SYTL2: variants seen among roughly 807,000 people sequenced by gnomAD.
SYTL2 encodes the protein synaptotagmin-like protein 2.
In SYTL2, 165 loss-of-function variants were observed where a neutral mutation model predicts 198.7. The ratio of observed to expected loss-of-function variants is 0.83; its 90% CI spans 0.73 to 0.94. The LOEUF is 0.94. SYTL2 is among the 40% of genes least tolerant of loss of function. SYTL2 has a pLI of 0.00. For synonymous variants in SYTL2, 966 were observed against 917.7 expected (o/e 1.05, Z -0.95); for missense variants, 2,835 against 2,582.8 (o/e 1.10, Z -2.12).
At chr11:85,833,566 T>C in the SYTL2 span, among the ~76,000 whole-genome samples, 6 of 151,668 alleles carry the variant, frequency 4.0e-5, no homozygotes, top group African/African-American at 1.4e-4. Context: ...TAACTACAAG[T>C]TCAGCCCTCA....
chr11:85,706,639 G>A lies in SYTL2; in HGVS notation c.6018+790C>T, dbSNP rs577558782. 7.2e-5 allele frequency among the ~76,000 whole-genome samples: 11 copies of A among 152,312 alleles called. No homozygotes were observed. In the South Asian group the frequency reaches 1.7e-3, roughly 23 times the overall value. ...ATAATGAAAAGAATTCAGGGTGACT[G>A]GAACAAAGACTATGAGAGAGGAAAG... On this transcript the variant is annotated intron_variant, in intron 15 of 19. Coordinates refer to ENST00000359152, the MANE Select transcript of SYTL2 (RefSeq NM_206927.4).
rs1290376080 is a variant in SYTL2 at position 85,724,908 on chromosome 11, T to A, written c.4450A>T (p.Arg1484Trp). ...GATTTGGGTTGAACAATTGTTTCCC[T>A]CACAATTTCTTCCACTTCCTGAGGG... Reference protein sequence around the residue: ...GLPQEVEEIVRETIVQPKSEF... With the variant: ...GLPQEVEEIVWETIVQPKSEF... The change falls in exon 8 of 20, where the codon AGG (arginine) becomes TGG (tryptophan). Residue 1484 changes from arginine to tryptophan, a missense_variant. Arg to Trp is a moderately radical substitution (Grantham distance 101). This residue lies in a region of SYTL2 where 2,645 missense variants were observed against 2,381.7 expected (regional missense o/e 1.11). Transcript: ENST00000359152. 1 of 1,614,172 alleles carries A rather than the reference T, an allele frequency of 6.2e-7. No individual in the cohort carries two copies. The highest frequency in any genetic ancestry group is 1.7e-5 in the Admixed American group (1 of 60,016).
At chr11:85,744,249 T>A (rs1369607866) in intron 4 of SYTL2, among the ~76,000 whole-genome samples, 1 of 152,214 alleles carries the variant, frequency 6.6e-6, no homozygotes, top group Non-Finnish European at 1.5e-5. Context: ...CTATATTCAC[T>A]GGCTAATTAA....
chr11:85,842,832 T>C, the SYTL2 span, among the ~76,000 whole-genome samples: 1 of 152,164 alleles, frequency 6.6e-6, no homozygotes, highest in Non-Finnish European at 1.5e-5. Flanking sequence ...TAGGAAGCCA[T>C]CTCATCAGTC....
chr11:85,724,144 T>TAG lies in SYTL2; in HGVS notation c.5212_5213dup (p.Ala1739Ter), dbSNP rs1247598366. 6.2e-7 allele frequency: 1 copy of TAG among 1,601,972 alleles called. No individual in the cohort carries two copies. Among genetic ancestry groups the TAG allele is most frequent in the East Asian group, 2.2e-5 (1 of 44,638 alleles). On this transcript the variant is annotated frameshift_variant, in exon 8 of 20. Transcript: ENST00000359152. LOFTEE classifies it high-confidence loss of function. Reference sequence around the variant, plus strand: ...TCTCTTGTTTCATATATGGCGATGCTAGAGTCAATTCAACTTTACTTGTTT... The same window carrying TAG: ...TCTCTTGTTTCATATATGGCGATGCTAGAGAGTCAATTCAACTTTACTTGTTT...
At chr11:85,816,915 C>CAAAAAAA in the SYTL2 span, among the ~76,000 whole-genome samples, 2 of 80,918 alleles carry the variant, frequency 2.5e-5, no homozygotes, top group Non-Finnish European at 4.6e-5. Flanking sequence ...AACCCTGTCT[C>CAAAAAAA]AAAAAAAAAA....
At position 85,726,801 on chromosome 11, in the gene SYTL2, T is replaced by A. The variant is rs1467951195; in HGVS notation, c.2557A>T (p.Ile853Phe). The A allele has an allele frequency of 1.3e-5, 20 of 1,536,292 alleles. No homozygotes were observed. The highest frequency in any genetic ancestry group is 1.7e-5 in the Non-Finnish European group (20 of 1,146,912). Residue 853 changes from isoleucine (I) to phenylalanine (F), a missense_variant, in exon 8 of 20, where the codon ATT (isoleucine) becomes TTT (phenylalanine). By Grantham distance (21) the Ile-to-Phe change is conservative. This residue lies in a region of SYTL2 where 2,645 missense variants were observed against 2,381.7 expected (regional missense o/e 1.11). Coordinates refer to ENST00000359152, the MANE Select transcript of SYTL2 (RefSeq NM_206927.4). ...TCATCTAAGACCACTCGTTTGGGAA[T>A]GGCCTGATTATATTCACTCTGGTCT... ...STDQSEYNQAIPKRVVLDEDD... is the reference protein window; with the variant it reads ...STDQSEYNQAFPKRVVLDEDD...
Position 85,727,959 on chromosome 11 carries a change from A to G in SYTL2, c.1399T>C (p.Ser467Pro), listed in dbSNP as rs573385315. 2.8e-5 allele frequency: 45 copies of G among 1,588,814 alleles called. No homozygotes were observed. The South Asian group carries it at 5.0e-4, about 18-fold the overall frequency. ...GATGGCTCAGGCTCAACACAATGAG[A>G]CAGTTCATCTGCAACATAGAAATAC... is the stretch of plus-strand genomic sequence containing the variant. ...VLPRSPADEL[S>P]HCVEPEPSQV... The change falls in exon 8 of 20, where the codon TCT (serine) becomes CCT (proline). Residue 467 changes from serine (S) to proline (P), a missense_variant. By Grantham distance (74) the Ser-to-Pro change is moderately conservative (BLOSUM62 -1). Transcript: ENST00000359152.
At position 85,724,559 on chromosome 11, in the gene SYTL2, TCTGA is replaced by T. The variant is rs751207745; in HGVS notation, c.4795_4798del (p.Glu1600ArgfsTer21). On this transcript the variant is annotated frameshift_variant, in exon 8 of 20. Coordinates refer to ENST00000359152, the MANE Select transcript of SYTL2 (RefSeq NM_206927.4). LOFTEE classifies it high-confidence loss of function. The stretch of plus-strand genomic sequence containing the variant: ...CACTGTCCCCAAGAACCTGGTCTGC[TCTGA>T]CTGTGAGGACTCCTTCTCGTGAGTT... 15 of 1,613,966 alleles carry T rather than the reference TCTGA, an allele frequency of 9.3e-6. No individual in the cohort carries two copies. The highest frequency in any genetic ancestry group is 2.7e-5 in the African/African-American group (2 of 75,046).
the SYTL2 span, among the ~76,000 whole-genome samples, chr11:85,826,277 T>G: frequency 6.6e-6 from 1 of 152,136 alleles, no homozygotes; most frequent in African/African-American, 2.4e-5. Context: ...CTGGAAGACA[T>G]CTAGTGGCTG....
intron 1 of SYTL2, among the ~76,000 whole-genome samples, chr11:85,768,871 G>C (rs1184949903): frequency 6.6e-6 from 1 of 152,148 alleles, no homozygotes; most frequent in Non-Finnish European, 1.5e-5. Flanking sequence ...CCCAATCTCA[G>C]AGAATCAAAA....
chr11:85,827,426 CTATT>C, the SYTL2 span, among the ~76,000 whole-genome samples: 1 of 152,338 alleles, frequency 6.6e-6, no homozygotes, highest in Admixed American at 6.5e-5. Flanking sequence ...TGTACTTTAT[CTATT>C]GTGGTCTCTC....
At chr11:85,783,764 A>G (rs912733476) in intron 1 of SYTL2, among the ~76,000 whole-genome samples, 9 of 152,192 alleles carry the variant, frequency 5.9e-5, no homozygotes, top group Non-Finnish European at 1.0e-4. Flanking sequence ...AGATTGTCCA[A>G]TTCCAGTGTC....
At chr11:85,720,541 T>C (rs1051229770) in intron 9 of SYTL2, among the ~76,000 whole-genome samples, 5 of 152,240 alleles carry the variant, frequency 3.3e-5, no homozygotes, top group Non-Finnish European at 5.9e-5. Flanking sequence ...ATGCTAGTTA[T>C]GACTATTTTC....
intron 12 of SYTL2, 94 bp downstream of exon 12, chr11:85,714,319 T>A (rs1429569010): frequency 1.0e-6 from 1 of 1,003,716 alleles, no homozygotes; most frequent in South Asian, 1.4e-5. Flanking sequence ...ACCTCTTTGA[T>A]CTCTGCCACA....
the SYTL2 span, among the ~76,000 whole-genome samples, chr11:85,820,296 T>C: frequency 5.0e-3 from 761 of 152,352 alleles, 3 homozygotes; most frequent in African/African-American, 0.016. Context: ...TGATTTTCTA[T>C]GTAATCCTGG....
the SYTL2 span, among the ~76,000 whole-genome samples, chr11:85,852,366 C>T: frequency 2.0e-5 from 3 of 151,124 alleles, no homozygotes; most frequent in East Asian, 1.9e-4. Context: ...CCCTCCCCCT[C>T]TCCCTCTCCC....
intron 12 of SYTL2, among the ~76,000 whole-genome samples, chr11:85,711,438 C>T (rs929116562): frequency 5.3e-5 from 8 of 152,294 alleles, no homozygotes; most frequent in Non-Finnish European, 8.8e-5. Context: ...CAGTGCTTAG[C>T]TACCAAAATA....
chr11:85,755,587 A>G (rs998718760), intron 2 of SYTL2, among the ~76,000 whole-genome samples: 1 of 152,220 alleles, frequency 6.6e-6, no homozygotes, highest in Admixed American at 6.5e-5. Flanking sequence ...AGATTGGCTG[A>G]TGCCAGAGGG....
Sources: allele counts gnomAD v4.1 joint callset (sites outside exome capture counted in the v4.1 genomes callset), GRCh38; gene constraint gnomAD v4.1.1; regional missense constraint gnomAD v4.1.1; transcripts MANE v1.5; gene names NCBI Gene and HGNC (gene_info 2026-07-23, HGNC 2026-07-21).